The following SYNPO2 variants were observed in gnomAD, a reference collection of about 807,000 sequenced individuals.
SYNPO2 encodes the protein synaptopodin 2.
Under a neutral mutation model 85.0 loss-of-function variants are expected in SYNPO2, and 56 were observed. The observed-to-expected ratio is 0.66, with a 90% CI of 0.53 to 0.82. SYNPO2 has a LOEUF of 0.82. Ranked by LOEUF, SYNPO2 falls within the 40% of genes least tolerant of loss-of-function variation. SYNPO2 has a pLI of 0.00. For synonymous variants in SYNPO2, 602 were observed against 591.1 expected (o/e 1.02, Z -0.27); for missense variants, 1,575 against 1,534.2 (o/e 1.03, Z -0.44).
intron 2 of SYNPO2, among the ~76,000 whole-genome samples, chr4:119,024,774 A>T (rs1358436607): frequency 2.0e-5 from 3 of 152,198 alleles, no homozygotes; most frequent in Non-Finnish European, 2.9e-5. Flanking sequence ...TATTATCATC[A>T]CCACCACTAC....
At chr4:119,023,285 A>C in intron 1 of SYNPO2, 145 bp from the exon 2 acceptor site, 1 of 709,368 alleles carries the variant, frequency 1.4e-6, no homozygotes, top group Non-Finnish European at 2.3e-6. Flanking sequence ...AGGTGGTAAG[A>C]AGTATTTAAA....
At chr4:119,026,389 A>C (rs967090466) in intron 2 of SYNPO2, among the ~76,000 whole-genome samples, 2 of 152,230 alleles carry the variant, frequency 1.3e-5, no homozygotes, top group African/African-American at 4.8e-5. Context: ...GGATGGATTC[A>C]GGTTTCATAA....
At chr4:118,853,997 T>C (rs535392860) in intron 1 of SYNPO2, among the ~76,000 whole-genome samples, 1 of 152,260 alleles carries the variant, frequency 6.6e-6, no homozygotes, top group African/African-American at 2.4e-5. Context: ...AATGCTTTTT[T>C]AAAAAAATGC....
At chr4:118,889,321 C>T (rs1345080467) in intron 1 of SYNPO2, among the ~76,000 whole-genome samples, 180 bp downstream of exon 1, 3 of 151,904 alleles carry the variant, frequency 2.0e-5, no homozygotes, top group African/African-American at 7.3e-5. Flanking sequence ...TAATGGGCCA[C>T]ATCCTATGTA....
rs558258212 is a variant in SYNPO2 at position 119,030,034 on chromosome 4, A to G, written c.1259A>G (p.Glu420Gly). Residue 420 changes from glutamate (E) to glycine (G), a missense_variant, in exon 4 of 5, where the codon GAG (glutamate) becomes GGG (glycine). Around this residue, in one of 3 missense-constraint regions of SYNPO2, gnomAD observed 1,508 missense variants for 1,446.8 expected, o/e 1.04. Transcript: ENST00000307142. The part of the protein sequence containing the change: ...VSYGTGELER[E>G]ADEEEEGDKE... ...TACGGTACTGGCGAGCTTGAGCGAG[A>G]GGCGGACGAGGAGGAAGAAGGTGAC... The G allele has an allele frequency of 1.5e-5, 24 of 1,614,090 alleles. No homozygotes were observed. In the Admixed American group the frequency reaches 4.0e-4, roughly 27 times the overall value.
At chr4:118,875,232 C>A (rs777930317) in intron 1 of SYNPO2, among the ~76,000 whole-genome samples, 1 of 152,094 alleles carries the variant, frequency 6.6e-6, no homozygotes, top group Non-Finnish European at 1.5e-5. Context: ...TGTATATGTA[C>A]CACATATTCT....
chr4:118,975,765 T>C (rs930659296), intron 1 of SYNPO2, among the ~76,000 whole-genome samples: 1 of 152,120 alleles, frequency 6.6e-6, no homozygotes. Context: ...AGTGACCCAG[T>C]CTCATACCCC....
At chr4:118,990,132 AT>A (rs1174440061) in intron 1 of SYNPO2, among the ~76,000 whole-genome samples, 3 of 151,556 alleles carry the variant, frequency 2.0e-5, no homozygotes, top group East Asian at 1.9e-4. Context: ...TATGACTTGG[AT>A]TTTTTTTTAG....
intron 1 of SYNPO2, among the ~76,000 whole-genome samples, chr4:118,937,914 T>C (rs905546455): frequency 1.3e-5 from 2 of 152,226 alleles, no homozygotes; most frequent in Non-Finnish European, 2.9e-5. Context: ...CCTATATGTA[T>C]CCTCCCATAT....
At position 119,031,400 on chromosome 4, in the gene SYNPO2, CT is replaced by C. The variant is rs1267042619; in HGVS notation, c.2628del (p.Phe876LeufsTer87). The stretch of plus-strand genomic sequence containing the variant: ...GAATGAGTGGGAGAGGAGCTCAGCT[CT>C]TTGCTAAAAGGCAGTCGAGAATGGA... ...PGMSGRGAQL[F>X]AKRQSRMEKY... On this transcript the variant is annotated frameshift_variant, in exon 4 of 5. Transcript: ENST00000307142. LOFTEE classifies it high-confidence loss of function. 17 of 1,614,108 alleles carry C rather than the reference CT, an allele frequency of 1.1e-5. No individual in the cohort carries two copies. Among genetic ancestry groups the C allele is most frequent in the Non-Finnish European group, 1.4e-5 (17 of 1,180,034 alleles).
At chr4:118,897,282 C>A (rs1732579836) in intron 1 of SYNPO2, among the ~76,000 whole-genome samples, 2 of 152,096 alleles carry the variant, frequency 1.3e-5, no homozygotes, top group South Asian at 4.1e-4. Flanking sequence ...GGAAACCACC[C>A]CCATGATCCA....
At chr4:118,980,901 G>C (rs1040228578) in intron 1 of SYNPO2, among the ~76,000 whole-genome samples, 6 of 152,204 alleles carry the variant, frequency 3.9e-5, no homozygotes, top group African/African-American at 1.4e-4. Context: ...TGCCTATGTG[G>C]AAACTGAGTC....
intron 4 of SYNPO2, chr4:119,043,389 T>C (rs1057149920): frequency 4.6e-5 from 7 of 152,188 alleles, no homozygotes; most frequent in African/African-American, 1.7e-4. Flanking sequence ...TTCATAATAT[T>C]TTTGTAAATT....
intron 1 of SYNPO2, among the ~76,000 whole-genome samples, chr4:118,951,676 C>T (rs1734701902): frequency 6.6e-6 from 1 of 152,078 alleles, no homozygotes; most frequent in African/African-American, 2.4e-5. Flanking sequence ...TAATATAGGC[C>T]ATGGCTGAAA....
At chr4:118,917,293 T>C (rs900190464) in intron 1 of SYNPO2, among the ~76,000 whole-genome samples, 1 of 152,092 alleles carries the variant, frequency 6.6e-6, no homozygotes, top group African/African-American at 2.4e-5. Context: ...CTTGGGAGGC[T>C]GACAGGAGAA....
intron 4 of SYNPO2, among the ~76,000 whole-genome samples, chr4:119,050,162 T>C (rs940434121): frequency 6.6e-5 from 10 of 151,980 alleles, no homozygotes; most frequent in South Asian, 2.1e-4. Flanking sequence ...CAAAACTCCA[T>C]CTCTACTAAA....
At chr4:118,858,694 T>C (rs1052201454) in intron 1 of SYNPO2, among the ~76,000 whole-genome samples, 1 of 152,174 alleles carries the variant, frequency 6.6e-6, no homozygotes, top group African/African-American at 2.4e-5. Context: ...AAGCTTTCTT[T>C]GAATAGCCAT....
chr4:119,038,632 T>A, intron 4 of SYNPO2: 1 of 882,154 alleles, frequency 1.1e-6, no homozygotes, highest in Non-Finnish European at 1.4e-6. Flanking sequence ...AATAATAACT[T>A]AAGGCATTTC....
chr4:119,023,560 C>T lies in SYNPO2; in HGVS notation c.236C>T (p.Ser79Phe), dbSNP rs939957894. 6 of 1,613,194 alleles carry T rather than the reference C, an allele frequency of 3.7e-6. No homozygotes were observed. In the African/African-American group the frequency reaches 8.0e-5, roughly 22 times the overall value. The change falls in exon 2 of 5, where the codon TCT becomes TTT. Residue 79 changes from serine (S) to phenylalanine (F), a missense_variant. Transcript: ENST00000307142. ...VIKLMESITDSLQMLIKRPSS... is the reference protein window; with the variant it reads ...VIKLMESITDFLQMLIKRPSS... Reference sequence around the variant, plus strand: ...AAGCTCATGGAAAGCATAACAGACTCTCTCCAAATGCTCATCAAAAGGTAC... The same window carrying T: ...AAGCTCATGGAAAGCATAACAGACTTTCTCCAAATGCTCATCAAAAGGTAC...
Sources: gnomAD v4.1 joint callset for allele counts (sites outside exome capture counted in the v4.1 genomes callset) on GRCh38, gnomAD v4.1.1 for gene constraint, gnomAD v4.1.1 regional missense constraint, MANE v1.5 for transcripts, NCBI Gene and HGNC (gene_info 2026-07-23, HGNC 2026-07-21) for gene names.